Variants in NHSL2 observed in about 807,000 individuals in gnomAD.
NHSL2 encodes NHS like 2, also known as NHS-like protein 2.
In NHSL2, 27 loss-of-function variants were observed where a neutral mutation model predicts 53.4. That is an observed-to-expected ratio of 0.51 (90% CI 0.37 to 0.70). NHSL2 has a LOEUF of 0.70. Ranked by LOEUF, NHSL2 falls within the 30% of genes least tolerant of loss-of-function variation. NHSL2 has a pLI of 0.00. For synonymous variants in NHSL2, 408 were observed against 404.1 expected (o/e 1.01, Z -0.12); for missense variants, 892 against 980.1 (o/e 0.91, Z 1.20).
At chrX:72,129,787 T>C (rs2042265378) in intron 1 of NHSL2, 5 of 1,130,473 alleles carry the variant, frequency 4.4e-6, no homozygotes, top group Non-Finnish European at 5.9e-6. Context: ...GGGCGGGGGA[T>C]GCAAAAGAAG....
At chrX:72,124,720 C>G (rs1211144382) in intron 1 of NHSL2, among the ~76,000 whole-genome samples, 5 of 111,354 alleles carry the variant, frequency 4.5e-5, no homozygotes, top group African/African-American at 1.6e-4. Flanking sequence ...GGCAAGTGAC[C>G]TCAAGCCACT....
chrX:72,037,731 G>A lies in NHSL2; in HGVS notation c.281-94348G>A, dbSNP rs137976188. On this transcript the variant is annotated intron_variant, in intron 1 of 7. Transcript: ENST00000633930. Reference sequence around the variant, plus strand: ...CCAGTGCCCCCAGTGTTGGCAGAAGGTTCTTTCCTAGGCCTCTCACTGAGT... The same window carrying A: ...CCAGTGCCCCCAGTGTTGGCAGAAGATTCTTTCCTAGGCCTCTCACTGAGT... Among the ~76,000 whole-genome samples, 95 of 112,114 alleles carry A rather than the reference G, an allele frequency of 8.5e-4. 2 individuals carry two copies. In the East Asian group the frequency reaches 0.02, roughly 24 times the overall value.
At chrX:71,961,315 A>G (rs889238009) in intron 1 of NHSL2, among the ~76,000 whole-genome samples, 2 of 111,116 alleles carry the variant, frequency 1.8e-5, no homozygotes, top group Non-Finnish European at 3.8e-5. Flanking sequence ...ATATGTGAAT[A>G]GAGATAGTTT....
At chrX:72,096,821 CTG>C (rs1408465333) in intron 1 of NHSL2, among the ~76,000 whole-genome samples, 1 of 111,789 alleles carries the variant, frequency 8.9e-6, no homozygotes. Flanking sequence ...CTGGGTCTCA[CTG>C]TGTTGCCCAG....
intron 7 of NHSL2, 64 bp from the exon 8 acceptor site, chrX:72,143,189 T>C: frequency 1.3e-6 from 1 of 785,962 alleles, no homozygotes; most frequent in East Asian, 3.5e-5. Context: ...GGCATGGGGG[T>C]CTGTGAAGCA....
In NHSL2 at chrX:71,911,016, G is replaced by T; in HGVS notation, c.-72G>T. 6 of 872,945 alleles carry T rather than the reference G, an allele frequency of 6.9e-6. No individual in the cohort carries two copies. Among genetic ancestry groups the T allele is most frequent in the Non-Finnish European group, 8.6e-6 (6 of 693,806 alleles). The allele number at this position is 872,945 out of a possible 1,213,427, so 71.9% of individuals were successfully genotyped here. On this transcript the variant is annotated 5_prime_UTR_variant, in exon 1 of 8. Transcript: ENST00000633930. ...GGGGCCGCCGCTCAGGGGCGCTCGG[G>T]CCAGGGGCGCTGCTCGGGGTGAGCC...
intron 1 of NHSL2, among the ~76,000 whole-genome samples, chrX:72,049,804 G>A (rs1267196061): frequency 9.6e-6 from 1 of 104,277 alleles, no homozygotes; most frequent in Non-Finnish European, 2.0e-5. Flanking sequence ...ATGAGGAAGA[G>A]CTGGGAACGC....
chrX:72,055,547 G>A (rs2042364599), intron 1 of NHSL2, among the ~76,000 whole-genome samples: 1 of 112,006 alleles, frequency 8.9e-6, no homozygotes, highest in African/African-American at 3.3e-5. Context: ...TCCAAAAAGG[G>A]TTTAAGGTGG....
intron 1 of NHSL2, 49 bp downstream of exon 1, chrX:71,911,416 TA>T (rs1244621898): frequency 1.0e-6 from 1 of 998,456 alleles, no homozygotes; most frequent in Non-Finnish European, 1.3e-6. Context: ...ACCCCGCCTC[TA>T]GGGGCGCCGG....
At chrX:71,948,705 C>T (rs934392078) in intron 1 of NHSL2, among the ~76,000 whole-genome samples, 5 of 109,459 alleles carry the variant, frequency 4.6e-5, no homozygotes, top group Non-Finnish European at 7.6e-5. Context: ...AGGCACGCAC[C>T]TGTAGTCCCA....
intron 1 of NHSL2, among the ~76,000 whole-genome samples, chrX:71,918,264 A>G (rs1458693264): frequency 8.9e-6 from 1 of 111,883 alleles, no homozygotes; most frequent in Non-Finnish European, 1.9e-5. Flanking sequence ...TGAGTGGGGA[A>G]ATTTGAGGCT....
At chrX:71,935,389 T>C (rs1446390299) in intron 1 of NHSL2, among the ~76,000 whole-genome samples, 1 of 112,418 alleles carries the variant, frequency 8.9e-6, no homozygotes, top group Non-Finnish European at 1.9e-5. Context: ...AAAACCATAG[T>C]AGTAGCACAC....
At chrX:72,047,226 A>G (rs761791408) in intron 1 of NHSL2, among the ~76,000 whole-genome samples, 1 of 111,102 alleles carries the variant, frequency 9.0e-6, no homozygotes, top group East Asian at 2.8e-4. Flanking sequence ...AGCTTTCCCC[A>G]AAGGGTCTCC....
At position 72,055,481 on chromosome X, in the gene NHSL2, G is replaced by A. The variant is rs1331295344; in HGVS notation, c.281-76598G>A. 1.2e-4 allele frequency among the ~76,000 whole-genome samples: 14 copies of A among 112,098 alleles called. No homozygotes were observed. The Admixed American group carries it at 1.3e-3, about 11-fold the overall frequency. ...ATGCCTCTTGAGGACTGTGTTGGAG[G>A]GAGATCTGAGCATTTAGCTTAATTT... On this transcript the variant is annotated intron_variant, in intron 1 of 7. Coordinates refer to ENST00000633930, the MANE Select transcript of NHSL2 (RefSeq NM_001013627.3).
chrX:71,992,661 CT>C (rs1341242369), intron 1 of NHSL2, among the ~76,000 whole-genome samples: 1 of 112,367 alleles, frequency 8.9e-6, no homozygotes, highest in Non-Finnish European at 1.9e-5. Flanking sequence ...TTGTTTCTTT[CT>C]GTTTTTGGTT....
intron 1 of NHSL2, among the ~76,000 whole-genome samples, chrX:71,966,863 T>G (rs762418701): frequency 7.5e-4 from 84 of 112,111 alleles, no homozygotes; most frequent in Admixed American, 5.0e-3. Flanking sequence ...TTGTAGAGAA[T>G]TGGTATAAAT....
chrX:71,971,172 TA>T (rs1243377685), intron 1 of NHSL2, among the ~76,000 whole-genome samples: 6 of 112,190 alleles, frequency 5.3e-5, no homozygotes, highest in African/African-American at 1.9e-4. Context: ...TTTAACTTTT[TA>T]AAAAAGTTTT....
intron 1 of NHSL2, among the ~76,000 whole-genome samples, chrX:72,107,502 A>G (rs958085574): frequency 9.0e-6 from 1 of 111,261 alleles, no homozygotes; most frequent in African/African-American, 3.3e-5. Context: ...GTTTGTGCTC[A>G]TGAGCCCTTG....
intron 1 of NHSL2, among the ~76,000 whole-genome samples, chrX:71,928,625 A>G (rs1292067436): frequency 9.0e-6 from 1 of 111,060 alleles, no homozygotes; most frequent in Non-Finnish European, 1.9e-5. Context: ...CCTCTACCAT[A>G]TGGTATAGAA....
Sources: gnomAD v4.1 joint callset for allele counts (sites outside exome capture counted in the v4.1 genomes callset) on GRCh38, gnomAD v4.1.1 for gene constraint, MANE v1.5 for transcripts, NCBI Gene and HGNC (gene_info 2026-07-23, HGNC 2026-07-21) for gene names.